The following CCDC171 variants were observed in gnomAD, a reference collection of about 807,000 sequenced individuals.
CCDC171 encodes coiled-coil domain-containing protein 171.
Under a neutral mutation model 168.2 loss-of-function variants are expected in CCDC171, and 177 were observed. That is an observed-to-expected ratio of 1.05 (90% CI 0.93 to 1.19). CCDC171 has a LOEUF of 1.19. Among genes scored for constraint, CCDC171 ranks in the 50% most tolerant of loss-of-function variants. The pLI is 0.00. For missense variants in CCDC171, 1,991 were observed against 1,539.0 expected (o/e 1.29, Z -4.91); for synonymous variants, 687 against 540.8 (o/e 1.27, Z -3.75).
chr9:15,620,093 G>T (rs2044388112), intron 6 of CCDC171, among the ~76,000 whole-genome samples: 1 of 152,142 alleles, frequency 6.6e-6, no homozygotes, highest in Non-Finnish European at 1.5e-5. Flanking sequence ...GAGCGCTGAT[G>T]GTTATGTACC....
intron 23 of CCDC171, among the ~76,000 whole-genome samples, chr9:15,866,679 C>T (rs770198): frequency 0.78 from 117,997 of 151,908 alleles, 46,752 homozygotes; most frequent in East Asian, 0.89. Context: ...TTGAGATTGA[C>T]TAACATAATA....
chr9:15,608,357 A>G (rs1587375353), intron 6 of CCDC171, among the ~76,000 whole-genome samples: 1 of 152,210 alleles, frequency 6.6e-6, no homozygotes, highest in Non-Finnish European at 1.5e-5. Flanking sequence ...TGAACATCAC[A>G]TCTTTTTATG....
intron 7 of CCDC171, among the ~76,000 whole-genome samples, chr9:15,625,264 A>G (rs1405518973): frequency 2.0e-5 from 3 of 152,074 alleles, no homozygotes; most frequent in Non-Finnish European, 4.4e-5. Flanking sequence ...CATTCTATAG[A>G]TTGCGTGTTC....
At chr9:15,685,677 C>A (rs148586640) in intron 10 of CCDC171, among the ~76,000 whole-genome samples, 39 of 151,856 alleles carry the variant, frequency 2.6e-4, no homozygotes, top group African/African-American at 7.5e-4. Context: ...ATTTAAAAAA[C>A]AAAACAAAAT....
At position 15,583,811 on chromosome 9, in the gene CCDC171, TA is replaced by T. The variant is rs913896237; in HGVS notation, c.352+4798del. On this transcript the variant is annotated intron_variant, in intron 4 of 25. Transcript: ENST00000380701. ...AAATGTGAAAAAAATTGTCCTTGAT[TA>T]AAAAAAAAAGTGTTTTTGTTAACTT... Among the ~76,000 whole-genome samples, 64 of 148,914 alleles carry T rather than the reference TA, an allele frequency of 4.3e-4. No homozygotes were observed. The South Asian group carries it at 4.5e-3, about 10-fold the overall frequency.
chr9:15,651,670 A>G (rs532191318), intron 7 of CCDC171, among the ~76,000 whole-genome samples: 1 of 152,128 alleles, frequency 6.6e-6, no homozygotes, highest in African/African-American at 2.4e-5. Context: ...TATTGCTGCA[A>G]ATGACAGCAT....
intron 6 of CCDC171, among the ~76,000 whole-genome samples, chr9:16,023,087 G>C (rs771081440): frequency 6.6e-6 from 1 of 152,052 alleles, no homozygotes; most frequent in African/African-American, 2.4e-5. Context: ...AGCATTTGGG[G>C]GTTCATTGTA....
In CCDC171 at chr9:15,942,010, G is replaced by A. The variant is rs185933353; in HGVS notation, c.3753+21588G>A. Among the ~76,000 whole-genome samples, 399 of 151,902 alleles carry A rather than the reference G, an allele frequency of 2.6e-3. 1 individual carries two copies. The highest frequency in any genetic ancestry group is 9.4e-3 in the African/African-American group (390 of 41,490). ...CCCCATGAGCCTTTATGTATATGCTGATTTCTTGCTTGGAATAGTATTTTC... is the reference window on the plus strand; with the variant it reads ...CCCCATGAGCCTTTATGTATATGCTAATTTCTTGCTTGGAATAGTATTTTC... On this transcript the variant is annotated intron_variant, in intron 25 of 25. Transcript: ENST00000380701.
chr9:15,627,798 A>G (rs1024995829), intron 7 of CCDC171, among the ~76,000 whole-genome samples: 4 of 152,128 alleles, frequency 2.6e-5, no homozygotes, highest in Non-Finnish European at 4.4e-5. Context: ...TATTCTGTTG[A>G]TTTTGCATGG....
chr9:16,049,149 G>A (rs1833712039), intron 1 of CCDC171, among the ~76,000 whole-genome samples: 1 of 152,142 alleles, frequency 6.6e-6, no homozygotes, highest in Non-Finnish European at 1.5e-5. Context: ...GAGGGGATTA[G>A]TATATTTTCA....
intron 11 of CCDC171, among the ~76,000 whole-genome samples, chr9:15,711,760 T>G (rs1395781547): frequency 6.6e-6 from 1 of 152,206 alleles, no homozygotes; most frequent in Non-Finnish European, 1.5e-5. Flanking sequence ...TTGGCACTAT[T>G]GTAAAGTTGA....
At chr9:15,923,034 TCCTTTG>T (rs1589138043) in intron 25 of CCDC171, among the ~76,000 whole-genome samples, 1 of 151,700 alleles carries the variant, frequency 6.6e-6, no homozygotes, top group East Asian at 1.9e-4. Context: ...GTTGATTGTT[TCCTTTG>T]CTGTGCAGAG....
intron 6 of CCDC171, among the ~76,000 whole-genome samples, chr9:15,605,543 C>T (rs958129739): frequency 7.4e-5 from 11 of 148,672 alleles, no homozygotes; most frequent in Non-Finnish European, 1.0e-4. Flanking sequence ...AAAAATTAGC[C>T]GGGAGTAGTG....
chr9:15,619,182 C>T (rs1372797078), intron 6 of CCDC171, among the ~76,000 whole-genome samples: 1 of 152,066 alleles, frequency 6.6e-6, no homozygotes, highest in Non-Finnish European at 1.5e-5. Flanking sequence ...TCTACAGTGT[C>T]CTCTAAGTGT....
At chr9:15,927,403 C>T (rs747783001) in intron 25 of CCDC171, among the ~76,000 whole-genome samples, 2 of 151,566 alleles carry the variant, frequency 1.3e-5, no homozygotes, top group Non-Finnish European at 3.0e-5. Flanking sequence ...ACCAGCACAC[C>T]CACAGCTATG....
chr9:15,939,314 A>C (rs1010731309), intron 25 of CCDC171, among the ~76,000 whole-genome samples: 1 of 151,768 alleles, frequency 6.6e-6, no homozygotes, highest in Non-Finnish European at 1.5e-5. Flanking sequence ...TGCATACAGA[A>C]TCCTTCAGTT....
In CCDC171 at chr9:15,972,195, T is replaced by A. The variant is rs75419443; in HGVS notation, c.*359T>A. ...TGTCTATTTTAAAGCAGGACTGCAA[T>A]GCTTTAATAGGATTGAGAGAGCTAT... On this transcript the variant is annotated 3_prime_UTR_variant, in exon 26 of 26. Transcript: ENST00000380701. 3,244 of 219,898 alleles carry A rather than the reference T, an allele frequency of 0.015. 117 individuals are homozygous for A. The highest frequency in any genetic ancestry group is 0.072 in the African/African-American group (3,066 of 42,872). 13.6% of individuals were successfully genotyped at this position (219,898 alleles called of 1,614,324 possible).
At chr9:15,686,061 T>C (rs2133567612) in intron 10 of CCDC171, among the ~76,000 whole-genome samples, 1 of 152,292 alleles carries the variant, frequency 6.6e-6, no homozygotes, top group South Asian at 2.1e-4. Context: ...AAATATTAGC[T>C]CATATTTTAG....
chr9:15,924,199 ATAAGT>A (rs1301036702), intron 25 of CCDC171, among the ~76,000 whole-genome samples: 3 of 151,666 alleles, frequency 2.0e-5, no homozygotes, highest in Admixed American at 1.3e-4. Context: ...CATAGCTGAA[ATAAGT>A]TAAGGGACAA....
Sources: allele counts gnomAD v4.1 joint callset (sites outside exome capture counted in the v4.1 genomes callset), GRCh38; gene constraint gnomAD v4.1.1; transcripts MANE v1.5; gene names NCBI Gene and HGNC (gene_info 2026-07-23, HGNC 2026-07-21).